The following DCAF6 variants were observed in gnomAD, a reference collection of about 807,000 sequenced individuals.
DCAF6 encodes the protein DDB1- and CUL4-associated factor 6.
Under a neutral mutation model 125.1 loss-of-function variants are expected in DCAF6, and 54 were observed. That is an observed-to-expected ratio of 0.43 (90% confidence interval 0.35 to 0.54). The LOEUF (loss-of-function observed/expected upper bound fraction) is 0.54. Ranked by LOEUF, DCAF6 falls within the 20% of genes least tolerant of loss-of-function variation. The pLI is 0.01. For synonymous variants in DCAF6, 371 were observed against 390.4 expected (o/e 0.95, Z 0.58); for missense variants, 934 against 1,161.7 (o/e 0.80, Z 2.85).
At chr1:167,916,237 G>A in the DCAF6 span, among the ~76,000 whole-genome samples, 1 of 151,946 alleles carries the variant, frequency 6.6e-6, no homozygotes, top group Admixed American at 6.5e-5. Flanking sequence ...TGGGAGTTTT[G>A]CTCTTGTCGC....
chr1:167,890,993 G>A, the DCAF6 span, among the ~76,000 whole-genome samples: 5 of 151,922 alleles, frequency 3.3e-5, no homozygotes, highest in African/African-American at 7.3e-5. Context: ...ACAGAGTCTC[G>A]CTCTGTCACC....
At chr1:167,939,375 C>T (rs2102610666) in intron 1 of DCAF6, among the ~76,000 whole-genome samples, 1 of 152,072 alleles carries the variant, frequency 6.6e-6, no homozygotes, top group East Asian at 1.9e-4. Context: ...CATCATGTCA[C>T]ATAATTACCA....
rs1469868586 is a variant in DCAF6 at position 167,966,673 on chromosome 1, T to G, written c.204T>G (p.Ser68=). The G allele has an allele frequency of 1.9e-6, 3 of 1,606,012 alleles. No individual in the cohort carries two copies. The highest frequency in any genetic ancestry group is 2.6e-6 in the Non-Finnish European group (3 of 1,173,336). ...ATGACACTGGAGAATATATTTTATCTGGCTCAGATGACACCAAATTAGTAA... is the reference window on the plus strand; with the variant it reads ...ATGACACTGGAGAATATATTTTATCGGGCTCAGATGACACCAAATTAGTAA... ...CWNDTGEYIL[S]GSDDTKLVIS... The change falls in exon 3 of 22, where the codon TCT becomes TCG. Residue 68 remains serine (S), a synonymous_variant. Coordinates refer to ENST00000367840, the MANE Select transcript of DCAF6 (RefSeq NM_001198956.2).
the DCAF6 span, chr1:167,904,554 C>T: frequency 2.7e-6 from 1 of 367,498 alleles, no homozygotes; most frequent in Non-Finnish European, 4.9e-6. Context: ...ACTTCTTTAA[C>T]TGGGAATAAA....
chr1:168,042,266 G>A (rs1394911962), intron 13 of DCAF6, among the ~76,000 whole-genome samples: 1 of 151,612 alleles, frequency 6.6e-6, no homozygotes, highest in East Asian at 1.9e-4. Flanking sequence ...AAGAATTGTT[G>A]CATTTCTATG....
chr1:167,935,774 A>C, upstream of DCAF6: 1 of 1,565,358 alleles, frequency 6.4e-7, no homozygotes, highest in Non-Finnish European at 8.7e-7. Flanking sequence ...CTCGGGCAGC[A>C]TCAGCTCCAC....
At chr1:167,938,841 C>G (rs951097894) in intron 1 of DCAF6, among the ~76,000 whole-genome samples, 2 of 152,138 alleles carry the variant, frequency 1.3e-5, no homozygotes, top group Admixed American at 1.3e-4. Flanking sequence ...GCTTTTCCCC[C>G]TCCTACTCCA....
At chr1:167,913,678 T>C in the DCAF6 span, among the ~76,000 whole-genome samples, 1 of 150,888 alleles carries the variant, frequency 6.6e-6, no homozygotes, top group Non-Finnish European at 1.5e-5. Context: ...AGGTAGGCAC[T>C]TGGTAGTTGT....
At position 168,041,083 on chromosome 1, in the gene DCAF6, C is replaced by T. The variant is rs368362439; in HGVS notation, c.1728-1942C>T. 7.9e-4 allele frequency among the ~76,000 whole-genome samples: 120 copies of T among 151,952 alleles called. 1 individual carries two copies. The South Asian group carries it at 0.022, about 28-fold the overall frequency. ...AAATCTCAGTTTTCTCCCTTGAAAA[C>T]GGGCATGTTTAATAGAACCTACTTC... On this transcript the variant is annotated intron_variant, in intron 13 of 21. Transcript: ENST00000367840.
chr1:167,877,703 G>A, the DCAF6 span, among the ~76,000 whole-genome samples: 3 of 152,316 alleles, frequency 2.0e-5, no homozygotes, highest in South Asian at 2.1e-4. Flanking sequence ...AAAAAAGGAA[G>A]AGGAAGAAGG....
chr1:167,942,091 G>A (rs765584559), intron 1 of DCAF6, among the ~76,000 whole-genome samples: 34 of 152,114 alleles, frequency 2.2e-4, no homozygotes, highest in Non-Finnish European at 4.3e-4. Flanking sequence ...TTGAGACGGA[G>A]TTTCGCTCTT....
chr1:167,950,293 A>C (rs951454041), intron 1 of DCAF6, among the ~76,000 whole-genome samples: 7 of 152,202 alleles, frequency 4.6e-5, no homozygotes, highest in Admixed American at 3.9e-4. Context: ...ACCAAAATGA[A>C]ATGAGTTTTT....
At chr1:168,040,906 A>T (rs969075995) in intron 13 of DCAF6, among the ~76,000 whole-genome samples, 5 of 150,442 alleles carry the variant, frequency 3.3e-5, no homozygotes, top group African/African-American at 9.8e-5. Flanking sequence ...AAAAAAAACC[A>T]AACAGGCAGA....
the DCAF6 span, among the ~76,000 whole-genome samples, chr1:167,868,723 C>T: frequency 2.6e-5 from 4 of 152,136 alleles, no homozygotes; most frequent in Admixed American, 6.6e-5. Flanking sequence ...ATGCTTTCCG[C>T]GAAAAGCGAA....
intron 17 of DCAF6, among the ~76,000 whole-genome samples, chr1:168,059,337 ATT>A (rs1267834846): frequency 6.6e-6 from 1 of 152,144 alleles, no homozygotes; most frequent in Non-Finnish European, 1.5e-5. Flanking sequence ...TATAAAACAG[ATT>A]TGTTTCTAGG....
intron 1 of DCAF6, among the ~76,000 whole-genome samples, chr1:167,943,267 A>T (rs1470368712): frequency 6.6e-6 from 1 of 152,116 alleles, no homozygotes; most frequent in Non-Finnish European, 1.5e-5. Flanking sequence ...AACCCTTTCT[A>T]TTTCCATAAA....
At chr1:168,030,407 AT>A (rs1381563624) in intron 12 of DCAF6, among the ~76,000 whole-genome samples, 1 of 152,228 alleles carries the variant, frequency 6.6e-6, no homozygotes, top group Admixed American at 6.5e-5. Context: ...CTTTTTGGAC[AT>A]TTTTAGGTTT....
At chr1:168,048,894 T>C (rs1437410990) in intron 16 of DCAF6, among the ~76,000 whole-genome samples, 2 of 152,228 alleles carry the variant, frequency 1.3e-5, no homozygotes, top group East Asian at 3.8e-4. Flanking sequence ...CCAAGAGCCA[T>C]AGCTTGCAAA....
intron 11 of DCAF6, among the ~76,000 whole-genome samples, chr1:168,020,939 T>C (rs951552380): frequency 6.6e-6 from 1 of 152,112 alleles, no homozygotes; most frequent in African/African-American, 2.4e-5. Context: ...AAAATTAATC[T>C]TCAAGATGGG....
Sources: gnomAD v4.1 joint callset for allele counts (sites outside exome capture counted in the v4.1 genomes callset) on GRCh38, gnomAD v4.1.1 for gene constraint, MANE v1.5 for transcripts, NCBI Gene and HGNC (gene_info 2026-07-23, HGNC 2026-07-21) for gene names.